DLL1: variants seen among roughly 807,000 people sequenced by gnomAD.
DLL1 encodes delta-like protein 1.
In DLL1, 9 loss-of-function variants were observed where a neutral mutation model predicts 75.1. The observed-to-expected ratio is 0.12, with a 90% CI of 0.07 to 0.21. DLL1 has a LOEUF of 0.21. Ranked by LOEUF, DLL1 falls within the 10% of genes least tolerant of loss-of-function variation. The probability of loss-of-function intolerance (pLI) is 1.00; values close to 1 mark genes in which losing one functional copy is unlikely to be tolerated. For synonymous variants in DLL1, 477 were observed against 418.3 expected, an observed-to-expected ratio of 1.14 and a Z score of -1.71; for missense variants, 837 against 1,007.6, an observed-to-expected ratio of 0.83 and a Z score of 2.29.
At chr6:170,282,918 C>T in intron 10 of DLL1, 39 bp from the exon 11 acceptor site, 2 of 1,614,220 alleles carry the variant, frequency 1.2e-6, no homozygotes, top group Non-Finnish European at 1.7e-6. Context: ...TAGCCTGAGA[C>T]CGATTCCCGT....
At chr6:170,287,638 C>T (rs754199977) in intron 4 of DLL1, among the ~76,000 whole-genome samples, 5 of 152,238 alleles carry the variant, frequency 3.3e-5, no homozygotes, top group Non-Finnish European at 7.3e-5. Flanking sequence ...CCTGAGCATT[C>T]AAGCCAGACG....
chr6:170,284,180 G>T (rs974624613), intron 8 of DLL1, 151 bp from the exon 9 acceptor site: 2 of 1,034,918 alleles, frequency 1.9e-6, no homozygotes, highest in African/African-American at 1.6e-5. Context: ...AAGGTGACAT[G>T]GTTTAGGACC....
chr6:170,286,573 T>A (rs1170478739), intron 4 of DLL1, among the ~76,000 whole-genome samples: 1 of 103,474 alleles, frequency 9.7e-6, no homozygotes, highest in Non-Finnish European at 1.9e-5. Context: ...TAAGAGAGGG[T>A]CAGAAGTCTT....
chr6:170,285,751 A>T (rs746409118), intron 5 of DLL1, 52 bp from the exon 6 acceptor site: 5 of 1,612,124 alleles, frequency 3.1e-6, no homozygotes, highest in African/African-American at 1.3e-5. Context: ...CTGGCTTTGC[A>T]GTGGACATTC....
At position 170,282,592 on chromosome 6, in the gene DLL1, A is replaced by T; in HGVS notation, c.*282T>A. ...TACACTCAGGCAGTGCATGCTTCTT[A>T]TGCGTAATTCAGTTCACCCATTTAA... On this transcript the variant is annotated 3_prime_UTR_variant, in exon 11 of 11. Transcript: ENST00000366756. 1.7e-6 allele frequency: 1 copy of T among 590,576 alleles called. No homozygotes were observed. 36.6% of individuals were successfully genotyped at this position (590,576 alleles called of 1,614,324 possible).
rs1783822651 is a variant in DLL1, at chr6:170,290,147, C to G, written c.-8G>C. On this transcript the variant is annotated 5_prime_UTR_variant, in exon 1 of 11. Coordinates refer to ENST00000366756, the MANE Select transcript of DLL1 (RefSeq NM_005618.4). The surrounding 1 kb of genome is among the most constrained non-coding windows in gnomAD (Gnocchi z 4.7). The stretch of plus-strand genomic sequence containing the variant: ...CGCGCACCGACTGCCCATGCTGCTT[C>G]GCTCCACGCGCGAGCCTGGGGGGCC... 1 of 1,593,316 alleles carries G rather than the reference C, an allele frequency of 6.3e-7. No individual in the cohort carries two copies. The highest frequency in any genetic ancestry group is 1.7e-5 in the Admixed American group (1 of 59,548).
chr6:170,288,860 T>C, intron 2 of DLL1, 71 bp from the exon 3 acceptor site: 1 of 1,561,346 alleles, frequency 6.4e-7, no homozygotes, highest in East Asian at 2.2e-5. Context: ...AAAGCAGTCA[T>C]TCCTAACAGC....
At chr6:170,288,815 GAC>G in intron 2 of DLL1, 26 bp from the exon 3 acceptor site, 2 of 1,613,712 alleles carry the variant, frequency 1.2e-6, no homozygotes, top group Non-Finnish European at 1.7e-6. Flanking sequence ...GAAGACGTTA[GAC>G]AACCCAGAAA....
In DLL1 at chr6:170,290,075, T is replaced by A. The variant is rs532987123; in HGVS notation, c.54+11A>T. ...CCCGCGGGGCCGCGGCGCCCCCACC[T>A]GCCCGCCTACCTGACACAGCAAGGC... On this transcript the variant is annotated intron_variant, in intron 1 of 10. Transcript: ENST00000366756. This position sits in a 1 kb window ranked among gnomAD's most constrained non-coding sequence, Gnocchi z 4.7. 6.4e-5 allele frequency: 101 copies of A among 1,576,882 alleles called. No individual in the cohort carries two copies. In the South Asian group the frequency reaches 1.0e-3, roughly 16 times the overall value.
In DLL1 at chr6:170,290,299, G is replaced by A. The variant is rs536149940; in HGVS notation, c.-160C>T. The A allele has an allele frequency of 2.8e-6, 2 of 712,326 alleles. No individual in the cohort carries two copies. The highest frequency in any genetic ancestry group is 2.9e-5 in the South Asian group (1 of 34,760). The allele number at this position is 712,326 out of a possible 1,614,324, so 44.1% of individuals were successfully genotyped here. A position where few individuals can be genotyped will look rare whatever the true frequency, so the allele number is the denominator to read the frequency against. ...CCAGGACTTCTTTCTTTAAAAGCCG[G>A]TCTCCGCCTCTTCCCAAGGCCGCGG... On this transcript the variant is annotated 5_prime_UTR_variant, in exon 1 of 11. Coordinates refer to ENST00000366756, the MANE Select transcript of DLL1 (RefSeq NM_005618.4). This position sits in a 1 kb window ranked among gnomAD's most constrained non-coding sequence, Gnocchi z 4.7.
Position 170,288,320 on chromosome 6 carries a change from C to T in DLL1, c.589G>A (p.Asp197Asn), listed in dbSNP as rs935471877. 4 of 1,613,932 alleles carry T rather than the reference C, an allele frequency of 2.5e-6. No individual in the cohort carries two copies. Among genetic ancestry groups the T allele is most frequent in the African/African-American group, 1.3e-5 (1 of 74,946 alleles). Residue 197 changes from aspartate to asparagine, a missense_variant, in exon 4 of 11, where the codon GAT (aspartate) becomes AAT (asparagine). Asp to Asn is a conservative substitution (Grantham distance 23). Coordinates refer to ENST00000366756, the MANE Select transcript of DLL1 (RefSeq NM_005618.4). ...GCSVFCRPRD[D>N]AFGHFTCGER... ...CCACAGGTGAAGTGGCCGAAGGCAT[C>T]GTCCCGGGGACGGCAGAAAACGGAG... is the stretch of plus-strand genomic sequence containing the variant.
Position 170,284,052 on chromosome 6 carries a change from T to G in DLL1, c.1250-23A>C, listed in dbSNP as rs141144962. ...CACCTGGAACACAGGGACATGAACA[T>G]CACGTGTCTCCTCGTAGGTTTGTTC... On this transcript the variant is annotated intron_variant, in intron 8 of 10. Coordinates refer to ENST00000366756, the MANE Select transcript of DLL1 (RefSeq NM_005618.4). 7.3e-4 allele frequency: 1,136 copies of G among 1,548,592 alleles called. 11 individuals carry two copies. In the African/African-American group the frequency reaches 0.013, roughly 18 times the overall value.
chr6:170,287,916 T>C (rs968930960), intron 4 of DLL1, among the ~76,000 whole-genome samples: 17 of 152,194 alleles, frequency 1.1e-4, no homozygotes, highest in South Asian at 6.2e-4. Context: ...CTTCCTCCTC[T>C]CCCTCTCTAA....
intron 9 of DLL1, 31 bp downstream of exon 9, chr6:170,283,200 C>A (rs1341266812): frequency 1.2e-6 from 2 of 1,613,284 alleles, no homozygotes; most frequent in Non-Finnish European, 1.7e-6. Context: ...CCCCAGGTAC[C>A]CCCTCCTGAT....
At chr6:170,283,160 G>A (rs1783600611) in intron 9 of DLL1, 55 bp from the exon 10 acceptor site, 11 of 1,613,606 alleles carry the variant, frequency 6.8e-6, no homozygotes, top group South Asian at 1.1e-5. Context: ...TTTGGGAAGA[G>A]AAACGGAGCA....
chr6:170,290,458 G>T lies in DLL1; in HGVS notation c.-319C>A, dbSNP rs990235586. On this transcript the variant is annotated 5_prime_UTR_variant, in exon 1 of 11. Transcript: ENST00000366756. This position sits in a 1 kb window ranked among gnomAD's most constrained non-coding sequence, Gnocchi z 4.7. ...CCCAGCCCCCGAGGAGGTGAGGGTC[G>T]CCGGCTTCCTGGTTTTGTCTTGAGC... is the stretch of plus-strand genomic sequence containing the variant. 1.7e-5 allele frequency: 6 copies of T among 351,336 alleles called. No individual in the cohort carries two copies. The highest frequency in any genetic ancestry group is 2.5e-5 in the Non-Finnish European group (5 of 196,152). The allele number at this position is 351,336 out of a possible 1,614,324, so 21.8% of individuals were successfully genotyped here.
intron 5 of DLL1, 37 bp from the exon 6 acceptor site, chr6:170,285,736 T>C (rs771348755): frequency 1.9e-6 from 3 of 1,613,762 alleles, no homozygotes; most frequent in African/African-American, 2.7e-5. Context: ...GGACGTTGAC[T>C]GTTGCTGGCT....
At position 170,286,269 on chromosome 6, in the gene DLL1, G is replaced by A; in HGVS notation, c.700C>T (p.His234Tyr). The A allele has an allele frequency of 6.2e-7, 1 of 1,614,212 alleles. No individual in the cohort carries two copies. The highest frequency in any genetic ancestry group is 8.5e-7 in the Non-Finnish European group (1 of 1,180,046). Residue 234 changes from histidine (H) to tyrosine (Y), a missense_variant, in exon 5 of 11, where the codon CAT (histidine) becomes TAT (tyrosine). Around this residue, in one of 2 missense-constraint regions of DLL1, gnomAD observed 304 missense variants for 461.9 expected, o/e 0.66. Transcript: ENST00000366756. ...TCCCCTGGTTTGTCACAAAATCCAT[G>A]CTGCTCATCACATCCAGGCAGGCAG... ...PICLPGCDEQ[H>Y]GFCDKPGECK...
At chr6:170,286,377 CA>C in intron 4 of DLL1, 79 bp from the exon 5 acceptor site, 1 of 1,565,500 alleles carries the variant, frequency 6.4e-7, no homozygotes, top group East Asian at 2.2e-5. Context: ...GGCCAGGACA[CA>C]ACTCGCCGGC....
Sources: gnomAD v4.1 joint callset for allele counts (sites outside exome capture counted in the v4.1 genomes callset) on GRCh38, gnomAD v4.1.1 for gene constraint, gnomAD v4.1.1 regional missense constraint, Gnocchi (gnomAD v3.1) non-coding constraint, MANE v1.5 for transcripts, NCBI Gene and HGNC (gene_info 2026-07-23, HGNC 2026-07-21) for gene names.